TNFAIP8: variants seen among roughly 807,000 people sequenced by gnomAD.
The protein encoded by TNFAIP8 is tumor necrosis factor alpha-induced protein 8.
In TNFAIP8, 7 loss-of-function variants were observed where a neutral mutation model predicts 13.3. The observed-to-expected ratio is 0.52, with a 90% CI of 0.30 to 0.99. TNFAIP8 has a LOEUF of 0.99. Ranked by LOEUF, TNFAIP8 falls within the 50% of genes least tolerant of loss-of-function variation. TNFAIP8 has a pLI of 0.07. For synonymous variants in TNFAIP8, 94 were observed against 87.6 expected, an observed-to-expected ratio of 1.07 and a Z score of -0.41; for missense variants, 258 against 236.9, an observed-to-expected ratio of 1.09 and a Z score of -0.58.
In TNFAIP8 at chr5:119,304,749, C is replaced by T. The variant is rs188129590; in HGVS notation, c.1+35842C>T. Among the ~76,000 whole-genome samples, 269 of 152,250 alleles carry T rather than the reference C, an allele frequency of 1.8e-3. 2 individuals are homozygous for T. Among genetic ancestry groups the T allele is most frequent in the African/African-American group, 6.0e-3 (250 of 41,538 alleles). ...ATACTATCCTTTTAGAAATTATTTT[C>T]AGTTATCTTCTATATCAACTGTGTA... On this transcript the variant is annotated intron_variant, in intron 1 of 1. Coordinates refer to the TNFAIP8 transcript ENST00000274456.
chr5:119,312,090 A>G (rs954350679), intron 1 of TNFAIP8, among the ~76,000 whole-genome samples: 2 of 152,206 alleles, frequency 1.3e-5, no homozygotes, highest in Non-Finnish European at 2.9e-5. Flanking sequence ...TTTAAGTAAG[A>G]AAGAAGGTGG....
At chr5:119,361,659 T>TGAC (rs1361859404) in intron 1 of TNFAIP8, among the ~76,000 whole-genome samples, 5 of 152,372 alleles carry the variant, frequency 3.3e-5, no homozygotes, top group Admixed American at 6.5e-5. Context: ...AAGTCAGGGT[T>TGAC]GACTGTCAAG....
chr5:119,333,573 A>G, intron 1 of TNFAIP8: 1 of 1,535,596 alleles, frequency 6.5e-7, no homozygotes, highest in Non-Finnish European at 8.7e-7. Flanking sequence ...GTATGACTCT[A>G]CCAAGATACT....
intron 1 of TNFAIP8, among the ~76,000 whole-genome samples, chr5:119,378,212 G>T (rs1218579143): frequency 6.6e-6 from 1 of 152,194 alleles, no homozygotes; most frequent in African/African-American, 2.4e-5. Context: ...AAACGGGGAT[G>T]CCTGGGCATG....
intron 1 of TNFAIP8, among the ~76,000 whole-genome samples, chr5:119,336,970 A>T (rs1290911616): frequency 6.6e-6 from 1 of 152,212 alleles, no homozygotes. Flanking sequence ...TTTAGATCTT[A>T]TGACCATTGT....
At chr5:119,392,397 T>C (rs1189924891) in intron 1 of TNFAIP8, among the ~76,000 whole-genome samples, 2 of 152,234 alleles carry the variant, frequency 1.3e-5, no homozygotes, top group African/African-American at 4.8e-5. Context: ...TTTGTATTTT[T>C]TTTTTTGTTT....
At chr5:119,273,703 C>T (rs2150799379) in intron 1 of TNFAIP8, among the ~76,000 whole-genome samples, 1 of 152,278 alleles carries the variant, frequency 6.6e-6, no homozygotes, top group South Asian at 2.1e-4. Flanking sequence ...TTATTTAAGA[C>T]AGACAGCTGC....
intron 1 of TNFAIP8, among the ~76,000 whole-genome samples, chr5:119,378,012 A>G (rs1752346220): frequency 6.6e-6 from 1 of 152,200 alleles, no homozygotes; most frequent in African/African-American, 2.4e-5. Flanking sequence ...GCTCAAATCC[A>G]TTGTTGTCAT....
intron 1 of TNFAIP8, among the ~76,000 whole-genome samples, chr5:119,278,773 TG>T (rs1748543193): frequency 6.6e-6 from 1 of 152,182 alleles, no homozygotes. Flanking sequence ...TGATGGTAGT[TG>T]GGAGGAGAAA....
At chr5:119,389,598 C>T (rs898913283) in intron 1 of TNFAIP8, among the ~76,000 whole-genome samples, 1 of 152,106 alleles carries the variant, frequency 6.6e-6, no homozygotes, top group Non-Finnish European at 1.5e-5. Context: ...CCCTGGCCAG[C>T]GACTCTCAGC....
intron 1 of TNFAIP8, among the ~76,000 whole-genome samples, chr5:119,313,042 A>G (rs1420606440): frequency 6.6e-6 from 1 of 152,220 alleles, no homozygotes; most frequent in Non-Finnish European, 1.5e-5. Context: ...AAGAAGGGTT[A>G]AATTATATTA....
chr5:119,378,349 G>T (rs888001893), intron 1 of TNFAIP8, among the ~76,000 whole-genome samples: 2 of 152,164 alleles, frequency 1.3e-5, no homozygotes, highest in African/African-American at 4.8e-5. Context: ...GAGCTTCAGA[G>T]TGTCTTGATA....
chr5:119,372,361 G>A (rs546764726), intron 1 of TNFAIP8, among the ~76,000 whole-genome samples: 1 of 147,006 alleles, frequency 6.8e-6, no homozygotes, highest in Non-Finnish European at 1.5e-5. Context: ...ATCACATCAA[G>A]AAGAAAAGTT....
At chr5:119,288,371 C>CA (rs1253568502) in intron 1 of TNFAIP8, among the ~76,000 whole-genome samples, 6 of 152,156 alleles carry the variant, frequency 3.9e-5, no homozygotes, top group African/African-American at 1.2e-4. Flanking sequence ...ATGTCAGCAT[C>CA]ATCTATTCCT....
At chr5:119,381,542 A>G (rs933585349) in intron 1 of TNFAIP8, among the ~76,000 whole-genome samples, 5 of 151,986 alleles carry the variant, frequency 3.3e-5, no homozygotes, top group African/African-American at 9.7e-5. Context: ...CTGTCTCAAA[A>G]AATAAAAAAT....
intron 1 of TNFAIP8, chr5:119,333,038 A>C: frequency 5.6e-6 from 1 of 177,640 alleles, no homozygotes; most frequent in Non-Finnish European, 1.0e-5. Context: ...ACAGGTAGGA[A>C]TGAGGTGTTT....
intron 1 of TNFAIP8, among the ~76,000 whole-genome samples, chr5:119,373,910 G>T (rs184055776): frequency 4.1e-4 from 63 of 152,268 alleles, no homozygotes; most frequent in Non-Finnish European, 4.4e-4. Context: ...GGTAGATGGG[G>T]ATTCATAGCC....
At chr5:119,300,695 C>A (rs1283275262) in intron 1 of TNFAIP8, among the ~76,000 whole-genome samples, 2 of 152,180 alleles carry the variant, frequency 1.3e-5, no homozygotes, top group African/African-American at 2.4e-5. Context: ...GAATAACTTG[C>A]CTGAGATCCA....
At chr5:119,371,676 G>A (rs1752078215) in intron 1 of TNFAIP8, among the ~76,000 whole-genome samples, 1 of 152,194 alleles carries the variant, frequency 6.6e-6, no homozygotes, top group Non-Finnish European at 1.5e-5. Flanking sequence ...TAACATCGGA[G>A]AGATAAATTC....
Sources: gnomAD v4.1 joint callset for allele counts (sites outside exome capture counted in the v4.1 genomes callset) on GRCh38, gnomAD v4.1.1 for gene constraint, MANE v1.5 for transcripts, NCBI Gene and HGNC (gene_info 2026-07-23, HGNC 2026-07-21) for gene names.